Variants in LRBA observed in about 807,000 individuals in gnomAD.
LRBA encodes lipopolysaccharide-responsive and beige-like anchor protein.
Under a neutral mutation model 330.0 loss-of-function variants are expected in LRBA, and 176 were observed. That is an observed-to-expected ratio of 0.53 (90% CI 0.47 to 0.60). The LOEUF is 0.60. Ranked by LOEUF, LRBA falls within the 20% of genes least tolerant of loss-of-function variation. The pLI, the probability that LRBA is intolerant of heterozygous loss-of-function variation, is 0.00. For missense variants in LRBA, 3,259 were observed against 3,444.8 expected, an observed-to-expected ratio of 0.95 and a Z score of 1.35; for synonymous variants, 1,230 against 1,193.0, an observed-to-expected ratio of 1.03 and a Z score of -0.64.
At chr4:150,404,750 T>C (rs369877128) in intron 47 of LRBA, among the ~76,000 whole-genome samples, 28 of 152,350 alleles carry the variant, frequency 1.8e-4, no homozygotes, top group East Asian at 7.7e-4. Flanking sequence ...TATATTTTAA[T>C]GAAATACTAA....
At chr4:150,554,753 C>T (rs888663258) in intron 40 of LRBA, among the ~76,000 whole-genome samples, 2 of 152,042 alleles carry the variant, frequency 1.3e-5, no homozygotes, top group African/African-American at 2.4e-5. Flanking sequence ...AATTCTTCAA[C>T]AAAACATTCT....
intron 2 of LRBA, among the ~76,000 whole-genome samples, chr4:150,961,488 T>C (rs1430368926): frequency 6.7e-6 from 1 of 149,364 alleles, no homozygotes; most frequent in Non-Finnish European, 1.5e-5. Flanking sequence ...AACATTGATA[T>C]ATTTCAAAAG....
rs115134388 is a variant in LRBA, at chr4:150,910,732, T to C, written c.1162-1875A>G. On this transcript the variant is annotated intron_variant, in intron 9 of 56. Transcript: ENST00000651943. ...GCCATTGGGATTTTGATAAGAACTG[T>C]ACTGAATCTGTAGATTGCTTTAGGT... Among the ~76,000 whole-genome samples, 277 of 152,270 alleles carry C rather than the reference T, an allele frequency of 1.8e-3. 1 individual carries two copies. Among genetic ancestry groups the C allele is most frequent in the Middle Eastern group, 0.014 (4 of 294 alleles).
intron 17 of LRBA, among the ~76,000 whole-genome samples, chr4:150,892,762 T>A (rs1729596848): frequency 6.6e-6 from 1 of 152,218 alleles, no homozygotes; most frequent in Non-Finnish European, 1.5e-5. Context: ...TAAAGATAAT[T>A]CTGCTAAAGA....
chr4:150,673,793 A>C (rs775047450), intron 37 of LRBA, among the ~76,000 whole-genome samples: 4 of 152,222 alleles, frequency 2.6e-5, no homozygotes, highest in Non-Finnish European at 5.9e-5. Flanking sequence ...TTGGTTTTTA[A>C]TCCGGGTCCA....
At chr4:150,338,968 C>CAT (rs1430650944) in intron 48 of LRBA, among the ~76,000 whole-genome samples, 1 of 102,394 alleles carries the variant, frequency 9.8e-6, no homozygotes, top group African/African-American at 4.0e-5. Flanking sequence ...TTTAATTATA[C>CAT]ACACACACAC....
chr4:150,573,755 T>C (rs1322923122), intron 40 of LRBA, among the ~76,000 whole-genome samples: 6 of 152,308 alleles, frequency 3.9e-5, no homozygotes, highest in African/African-American at 1.2e-4. Context: ...ATAAAAGATG[T>C]TAACACTTTT....
At chr4:151,005,331 G>A (rs986020206) in intron 2 of LRBA, among the ~76,000 whole-genome samples, 8 of 145,118 alleles carry the variant, frequency 5.5e-5, no homozygotes, top group Non-Finnish European at 3.0e-5. Context: ...TGTAATCCCA[G>A]TGAGGCTGAG....
intron 11 of LRBA, among the ~76,000 whole-genome samples, chr4:150,907,769 A>G (rs1307699910): frequency 1.3e-5 from 2 of 152,130 alleles, no homozygotes; most frequent in Non-Finnish European, 2.9e-5. Context: ...TTTATGACTT[A>G]CCCTATAACT....
intron 2 of LRBA, among the ~76,000 whole-genome samples, chr4:150,929,768 C>T (rs529069314): frequency 6.6e-6 from 1 of 151,780 alleles, no homozygotes; most frequent in Non-Finnish European, 1.5e-5. Flanking sequence ...TTTAGAATTA[C>T]CTTTGTAGAG....
At chr4:150,741,449 A>G (rs1434716350) in intron 35 of LRBA, among the ~76,000 whole-genome samples, 2 of 152,166 alleles carry the variant, frequency 1.3e-5, no homozygotes, top group East Asian at 3.8e-4. Flanking sequence ...ACTTAAAACC[A>G]TAAGATATAC....
chr4:150,818,238 T>A (rs1213511358), intron 30 of LRBA, among the ~76,000 whole-genome samples: 1 of 152,052 alleles, frequency 6.6e-6, no homozygotes, highest in Non-Finnish European at 1.5e-5. Flanking sequence ...TAGTTATTTT[T>A]AAAAACACAC....
intron 47 of LRBA, among the ~76,000 whole-genome samples, chr4:150,388,910 G>C (rs1743471799): frequency 6.6e-6 from 1 of 152,100 alleles, no homozygotes. Flanking sequence ...AGCCACATGT[G>C]GCTAGTGGGT....
In LRBA at chr4:150,914,175, C is replaced by A. The variant is rs2149486505; in HGVS notation, c.1161+20G>T. 1.3e-6 allele frequency: 2 copies of A among 1,584,090 alleles called. No individual in the cohort carries two copies. The highest frequency in any genetic ancestry group is 1.2e-5 in the South Asian group (1 of 85,864). The stretch of plus-strand genomic sequence containing the variant: ...AAGCTGAACTAACATTGGTTAAGCA[C>A]AAAACAGTAAGCAAACTACCTTGTA... On this transcript the variant is annotated intron_variant, in intron 9 of 56. Coordinates refer to ENST00000651943, the MANE Select transcript of LRBA (RefSeq NM_001364905.1).
intron 36 of LRBA, among the ~76,000 whole-genome samples, chr4:150,702,893 C>G (rs1304696918): frequency 6.6e-6 from 1 of 152,198 alleles, no homozygotes; most frequent in Non-Finnish European, 1.5e-5. Flanking sequence ...GGCATGGTGG[C>G]TCACACCTGT....
intron 35 of LRBA, among the ~76,000 whole-genome samples, chr4:150,740,929 A>G (rs577251385): frequency 3.5e-4 from 53 of 152,114 alleles, no homozygotes; most frequent in Non-Finnish European, 7.1e-4. Context: ...GTCTTTTCCA[A>G]AAACTGGTCT....
At chr4:150,318,018 A>G (rs577932311) in intron 50 of LRBA, among the ~76,000 whole-genome samples, 1 of 152,286 alleles carries the variant, frequency 6.6e-6, no homozygotes, top group East Asian at 1.9e-4. Flanking sequence ...ATGAAAGTTT[A>G]TCTACTCCAG....
At chr4:150,498,145 C>T (rs1200829654) in intron 40 of LRBA, among the ~76,000 whole-genome samples, 1 of 152,110 alleles carries the variant, frequency 6.6e-6, no homozygotes, top group Non-Finnish European at 1.5e-5. Flanking sequence ...ATGGGTAAAA[C>T]TATTTTATTT....
At chr4:151,014,180 A>G (rs1271757000) in intron 2 of LRBA, 6 of 384,698 alleles carry the variant, frequency 1.6e-5, no homozygotes, top group African/African-American at 2.0e-5. Context: ...CTTCCATAGC[A>G]ACAATTATTT....
Sources: allele counts gnomAD v4.1 joint callset (sites outside exome capture counted in the v4.1 genomes callset), GRCh38; gene constraint gnomAD v4.1.1; transcripts MANE v1.5; gene names NCBI Gene and HGNC (gene_info 2026-07-23, HGNC 2026-07-21).